Variants in BMP2K observed in about 807,000 individuals in gnomAD.
BMP2K encodes the protein BMP2 inducible kinase, also known as BMP-2-inducible protein kinase.
BMP2K carries 74 observed loss-of-function variants against 116.0 expected under a neutral mutation model. That is an observed-to-expected ratio of 0.64 (90% CI 0.53 to 0.77). The LOEUF (loss-of-function observed/expected upper bound fraction) is 0.77, where lower values mean the gene tolerates loss of function less well. Among genes scored for constraint, BMP2K ranks in the 30% least tolerant of loss-of-function variants. BMP2K has a pLI of 0.00. For missense variants in BMP2K, 1,365 were observed against 1,403.6 expected (o/e 0.97, Z 0.44); for synonymous variants, 486 against 502.5 (o/e 0.97, Z 0.44).
At chr4:78,839,558 G>A (rs1730656069) in intron 3 of BMP2K, among the ~76,000 whole-genome samples, 1 of 152,116 alleles carries the variant, frequency 6.6e-6, no homozygotes, top group African/African-American at 2.4e-5. Flanking sequence ...AGATAAAATT[G>A]AAAAATCTTG....
chr4:78,905,778 C>A (rs1453861816), intron 15 of BMP2K, among the ~76,000 whole-genome samples: 1 of 151,850 alleles, frequency 6.6e-6, no homozygotes, highest in Non-Finnish European at 1.5e-5. Context: ...TAGTGGGAAT[C>A]TGGCCCCAGA....
chr4:78,880,986 C>A (rs1732859460), intron 14 of BMP2K, among the ~76,000 whole-genome samples: 1 of 152,212 alleles, frequency 6.6e-6, no homozygotes, highest in African/African-American at 2.4e-5. Context: ...ATTATTGTCA[C>A]AAGTCTGATG....
intron 1 of BMP2K, among the ~76,000 whole-genome samples, chr4:78,778,440 T>C (rs953757174): frequency 2.0e-5 from 3 of 152,240 alleles, no homozygotes; most frequent in Admixed American, 2.0e-4. Flanking sequence ...CCACTGACTT[T>C]TGCCATAAAT....
chr4:78,788,893 C>CTTTTT (rs1727866494), intron 1 of BMP2K, among the ~76,000 whole-genome samples: 1 of 124,018 alleles, frequency 8.1e-6, no homozygotes, highest in Non-Finnish European at 1.6e-5. Context: ...AGAATAGTGG[C>CTTTTT]TGTTTTTTTT....
chr4:78,798,692 TA>T (rs910806819), intron 1 of BMP2K, among the ~76,000 whole-genome samples: 4 of 152,236 alleles, frequency 2.6e-5, no homozygotes, highest in African/African-American at 9.6e-5. Flanking sequence ...ACTGTCCTTT[TA>T]AGTGAAATAT....
chr4:78,863,076 C>T (rs1189259260), intron 9 of BMP2K, among the ~76,000 whole-genome samples: 1 of 151,868 alleles, frequency 6.6e-6, no homozygotes, highest in Non-Finnish European at 1.5e-5. Context: ...TATTTTTTCA[C>T]CCTAATGCAA....
chr4:78,910,495 T>TAAGG, intron 15 of BMP2K, 115 bp from the exon 16 acceptor site: 1 of 878,440 alleles, frequency 1.1e-6, no homozygotes, highest in Admixed American at 3.4e-5. Context: ...TTTTTTCCTC[T>TAAGG]AAGGGAACTC....
intron 1 of BMP2K, among the ~76,000 whole-genome samples, chr4:78,781,620 T>C (rs1434698338): frequency 6.6e-6 from 1 of 152,098 alleles, no homozygotes; most frequent in African/African-American, 2.4e-5. Context: ...TTTAAAGCCC[T>C]GGGAGAGGAT....
Position 78,865,746 on chromosome 4 carries a change from C to A in BMP2K, c.1231+26C>A, listed in dbSNP as rs1732018696. On this transcript the variant is annotated intron_variant, in intron 10 of 15. Transcript: ENST00000502613. ...GTAATAGAGCCCCGCCAACCTCATC[C>A]TCTTAAAGGTTAATGTTAATAAACC... The A allele has an allele frequency of 1.9e-6, 3 of 1,608,268 alleles. No individual in the cohort carries two copies. The South Asian group carries it at 3.3e-5, about 18-fold the overall frequency.
chr4:78,905,951 T>C lies in BMP2K; in HGVS notation c.2063-4659T>C, dbSNP rs1255525364. 2.6e-5 allele frequency among the ~76,000 whole-genome samples: 4 copies of C among 152,096 alleles called. 1 individual carries two copies. Among genetic ancestry groups the C allele is most frequent in the Admixed American group, 2.6e-4 (4 of 15,266 alleles). On this transcript the variant is annotated intron_variant, in intron 15 of 15. Coordinates refer to ENST00000502613, the MANE Select transcript of BMP2K (RefSeq NM_198892.2). ...CCAACTTTATAACTTAAAATACTTATTCTGACAGTCTTTTATGTCTATGGA... is the reference window on the plus strand; with the variant it reads ...CCAACTTTATAACTTAAAATACTTACTCTGACAGTCTTTTATGTCTATGGA...
intron 1 of BMP2K, among the ~76,000 whole-genome samples, chr4:78,804,724 CT>C (rs1389234989): frequency 0.016 from 2,185 of 140,054 alleles, 39 homozygotes; most frequent in African/African-American, 0.048. Flanking sequence ...ATGTGTGTAT[CT>C]TTTTTTTTTT....
chr4:78,904,031 CCTTTCTTATG>C (rs1203588789), intron 15 of BMP2K, among the ~76,000 whole-genome samples: 1 of 151,844 alleles, frequency 6.6e-6, no homozygotes, highest in African/African-American at 2.4e-5. Context: ...CTCTCAGAAT[CCTTTCTTATG>C]CTTTCAAGAT....
intron 1 of BMP2K, among the ~76,000 whole-genome samples, chr4:78,792,324 C>T (rs1003466084): frequency 6.6e-6 from 1 of 152,162 alleles, no homozygotes; most frequent in Non-Finnish European, 1.5e-5. Context: ...ATACAAAGCA[C>T]TTTTGCTGCA....
At chr4:78,819,754 A>G (rs1246298981) in intron 1 of BMP2K, among the ~76,000 whole-genome samples, 2 of 152,132 alleles carry the variant, frequency 1.3e-5, no homozygotes, top group Non-Finnish European at 1.5e-5. Flanking sequence ...ATTTTTTTCC[A>G]TCTTTCATTG....
intron 1 of BMP2K, among the ~76,000 whole-genome samples, chr4:78,784,327 A>G (rs985360086): frequency 1.3e-5 from 2 of 152,170 alleles, no homozygotes; most frequent in Non-Finnish European, 2.9e-5. Context: ...CGGGTATAAT[A>G]TTTCATCTCC....
chr4:78,784,508 G>A (rs1271766691), intron 1 of BMP2K, among the ~76,000 whole-genome samples: 1 of 152,172 alleles, frequency 6.6e-6, no homozygotes, highest in Non-Finnish European at 1.5e-5. Flanking sequence ...CTTTGTCTAT[G>A]TGTATCAGCT....
chr4:78,910,958 C>G lies in BMP2K; in HGVS notation c.2411C>G (p.Ser804Cys), dbSNP rs1181802298. The G allele has an allele frequency of 6.2e-7, 1 of 1,613,512 alleles. No individual in the cohort carries two copies. Among genetic ancestry groups the G allele is most frequent in the African/African-American group, 1.3e-5 (1 of 74,914 alleles). The change falls in exon 16 of 16, where the codon TCT becomes TGT. Residue 804 changes from serine (S) to cysteine (C), a missense_variant. By Grantham distance (112) the Ser-to-Cys change is moderately radical. Around this residue, in one of 3 missense-constraint regions of BMP2K, gnomAD observed 596 missense variants for 623.2 expected, o/e 0.96. Transcript: ENST00000502613. The part of the protein sequence containing the change: ...EEEEEKHSSD[S>C]DYEQAKAKYS... ...GAAGAGGAGAAACATAGCTCTGATT[C>G]TGATTATGAGCAGGCTAAAGCAAAG...
chr4:78,852,298 CA>C (rs1453691525), intron 7 of BMP2K, among the ~76,000 whole-genome samples: 25 of 151,998 alleles, frequency 1.6e-4, no homozygotes, highest in Admixed American at 1.6e-3. Flanking sequence ...CCCTTACTGT[CA>C]GTAAATGTGC....
chr4:78,913,034 G>T lies in BMP2K; in HGVS notation c.*1001G>T, dbSNP rs1460240406. The stretch of plus-strand genomic sequence containing the variant: ...TATGTAGCGGAAACTGAATTTTCAA[G>T]ACATTTACAATGTGAAATCATGTTG... On this transcript the variant is annotated 3_prime_UTR_variant, in exon 16 of 16. Transcript: ENST00000502613. The T allele has an allele frequency of 8.5e-5, 13 of 152,262 alleles. No individual in the cohort carries two copies. Among genetic ancestry groups the T allele is most frequent in the African/African-American group, 2.9e-4 (12 of 41,558 alleles). The allele number at this position is 152,262 out of a possible 1,614,324, so 9.4% of individuals were successfully genotyped here.
Sources: allele counts gnomAD v4.1 joint callset (sites outside exome capture counted in the v4.1 genomes callset), GRCh38; gene constraint gnomAD v4.1.1; regional missense constraint gnomAD v4.1.1; transcripts MANE v1.5; gene names NCBI Gene and HGNC (gene_info 2026-07-23, HGNC 2026-07-21).